Variants in KIAA1586 observed in about 807,000 individuals in gnomAD.
The protein encoded by KIAA1586 is KIAA1586, also known as E3 SUMO-protein ligase KIAA1586.
In KIAA1586, 5 loss-of-function variants were observed where a neutral mutation model predicts 6.1. The ratio of observed to expected loss-of-function variants is 0.82; its 90% CI spans 0.43 to 1.73. The LOEUF is 1.73. Ranked by LOEUF, KIAA1586 falls within the 40% of genes most tolerant of loss-of-function variation. KIAA1586 has a pLI of 0.02. For synonymous variants in KIAA1586, 280 were observed against 301.7 expected (o/e 0.93, Z 0.75); for missense variants, 899 against 878.2 (o/e 1.02, Z -0.30).
At chr6:57,051,671 C>T (rs922334747) in intron 3 of KIAA1586, among the ~76,000 whole-genome samples, 9 of 152,078 alleles carry the variant, frequency 5.9e-5, no homozygotes, top group Admixed American at 1.3e-4. Context: ...TGGTGGCTCA[C>T]ACCTGTAATC....
chr6:57,050,862 C>T lies in KIAA1586; in HGVS notation c.186+8C>T. ...AGCGCCTATTATAGTGATGTAAGCACATTATATTTGTGTTTGTTCAGTTTT... is the reference window on the plus strand; with the variant it reads ...AGCGCCTATTATAGTGATGTAAGCATATTATATTTGTGTTTGTTCAGTTTT... On this transcript the variant is annotated splice_region_variant and intron_variant, in intron 3 of 3. Transcript: ENST00000370733. 6.3e-7 allele frequency: 1 copy of T among 1,588,302 alleles called. No homozygotes were observed. Among genetic ancestry groups the T allele is most frequent in the Non-Finnish European group, 8.6e-7 (1 of 1,156,996 alleles).
chr6:57,061,345 T>C, the KIAA1586 span, among the ~76,000 whole-genome samples: 2 of 152,298 alleles, frequency 1.3e-5, no homozygotes, highest in South Asian at 2.1e-4. Context: ...AATTTACCTA[T>C]CTTTCAACAA....
chr6:57,061,010 G>A, the KIAA1586 span, among the ~76,000 whole-genome samples: 2 of 147,468 alleles, frequency 1.4e-5, no homozygotes, highest in South Asian at 4.3e-4. Flanking sequence ...CAGAGTCTTC[G>A]CTCTGTCACC....
chr6:57,047,855 A>G (rs1279190195), intron 2 of KIAA1586, among the ~76,000 whole-genome samples: 3 of 114,884 alleles, frequency 2.6e-5, no homozygotes, highest in Non-Finnish European at 5.2e-5. Context: ...ATGTTACGGC[A>G]TAGTACAGTT....
At chr6:57,062,844 A>T in the KIAA1586 span, among the ~76,000 whole-genome samples, 1 of 152,162 alleles carries the variant, frequency 6.6e-6, no homozygotes, top group Non-Finnish European at 1.5e-5. Flanking sequence ...TGAGCTCAGG[A>T]GTTTGAGACC....
Position 57,053,617 on chromosome 6 carries a change from G to A in KIAA1586, c.1118G>A (p.Cys373Tyr). 1.2e-6 allele frequency: 2 copies of A among 1,611,114 alleles called. No individual in the cohort carries two copies. The highest frequency in any genetic ancestry group is 1.7e-6 in the Non-Finnish European group (2 of 1,178,022). ...ACATTATTGACTACTTTAAATGATTGTGGTTTTACAAATGAATATTTGAAA... is the reference window on the plus strand; with the variant it reads ...ACATTATTGACTACTTTAAATGATTATGGTTTTACAAATGAATATTTGAAA... ...VNTLLTTLNDCGFTNEYLKAN... is the reference protein window; with the variant it reads ...VNTLLTTLNDYGFTNEYLKAN... The change falls in exon 4 of 4, where the codon TGT (cysteine) becomes TAT (tyrosine). Residue 373 changes from cysteine to tyrosine, a missense_variant. By Grantham distance (194) the Cys-to-Tyr change is radical. Transcript: ENST00000370733.
At chr6:57,051,686 C>T (rs1351758478) in intron 3 of KIAA1586, among the ~76,000 whole-genome samples, 1 of 152,146 alleles carries the variant, frequency 6.6e-6, no homozygotes, top group Non-Finnish European at 1.5e-5. Flanking sequence ...GTAATCCCAG[C>T]ACTTTGGGAG....
At chr6:57,059,569 C>T (rs796557453), downstream of KIAA1586, among the ~76,000 whole-genome samples, 6 of 136,456 alleles carry the variant, frequency 4.4e-5, no homozygotes, top group African/African-American at 1.4e-4. Flanking sequence ...CCAGCCTGGG[C>T]GAGAGCGAGA....
rs1205082321 is a variant in KIAA1586, at chr6:57,050,659, A to AT, written c.106-111dup. 62 of 723,912 alleles carry AT rather than the reference A, an allele frequency of 8.6e-5. No individual in the cohort carries two copies. In the South Asian group the frequency reaches 8.9e-4, roughly 10 times the overall value. 44.8% of individuals were successfully genotyped at this position (723,912 alleles called of 1,614,324 possible). ...CTAATTATTCTGTGCCACTTGCAAG[A>AT]TTTTCTCGAGAATCTTTCCCAATTC... On this transcript the variant is annotated intron_variant, in intron 2 of 3. Coordinates refer to ENST00000370733, the MANE Select transcript of KIAA1586 (RefSeq NM_020931.4).
chr6:57,052,716 G>C lies in KIAA1586; in HGVS notation c.217G>C (p.Gly73Arg), dbSNP rs759849940. 1 of 1,570,652 alleles carries C rather than the reference G, an allele frequency of 6.4e-7. No homozygotes were observed. The highest frequency in any genetic ancestry group is 1.4e-5 in the African/African-American group (1 of 72,518). The change falls in exon 4 of 4, where the codon GGT becomes CGT. Residue 73 changes from glycine to arginine, a missense_variant. Physicochemically the swap from Gly to Arg is moderately radical, Grantham distance 125. Coordinates refer to ENST00000370733, the MANE Select transcript of KIAA1586 (RefSeq NM_020931.4). Reference protein sequence around the residue: ...ILFPKMPKRQGDFLHFLNVKK... With the variant: ...ILFPKMPKRQRDFLHFLNVKK... ...GTTTCCTAAAATGCCAAAACGACAG[G>C]GTGATTTTTTGCATTTTTTAAATGT...
chr6:57,054,786 G>T lies in KIAA1586; in HGVS notation c.2287G>T (p.Ala763Ser). 1 of 1,551,328 alleles carries T rather than the reference G, an allele frequency of 6.4e-7. No individual in the cohort carries two copies. The highest frequency in any genetic ancestry group is 8.7e-7 in the Non-Finnish European group (1 of 1,146,784). ...KSWSNCNHRL[A>S]TDTRVRQKST... ...TTGGTCAAATTGCAACCACAGGTTG[G>T]CTACAGATACAAGAGTTCGGCAAAA... The change falls in exon 4 of 4, where the codon GCT becomes TCT. Residue 763 changes from alanine to serine, a missense_variant. Coordinates refer to ENST00000370733, the MANE Select transcript of KIAA1586 (RefSeq NM_020931.4).
Position 57,046,793 on chromosome 6 carries a change from G to A in KIAA1586, c.21+17G>A. 1 of 1,609,904 alleles carries A rather than the reference G, an allele frequency of 6.2e-7. No individual in the cohort carries two copies. Among genetic ancestry groups the A allele is most frequent in the Non-Finnish European group, 8.5e-7 (1 of 1,178,796 alleles). On this transcript the variant is annotated intron_variant, in intron 1 of 3. Coordinates refer to ENST00000370733, the MANE Select transcript of KIAA1586 (RefSeq NM_020931.4). ...GGGTCGGAAGTGAGTAGTCGAGTGA[G>A]GGTCCTGGCGTTCTCAGAGGCGAAC...
the KIAA1586 span, among the ~76,000 whole-genome samples, chr6:57,065,518 G>A: frequency 8.6e-4 from 121 of 140,872 alleles, 1 homozygote; most frequent in African/African-American, 3.1e-3. Context: ...AGTCAGTCTT[G>A]TTCTGTCACC....
At position 57,053,204 on chromosome 6, in the gene KIAA1586, G is replaced by T. The variant is rs745454364; in HGVS notation, c.705G>T (p.Val235=). 6.2e-7 allele frequency: 1 copy of T among 1,600,482 alleles called. No homozygotes were observed. Among genetic ancestry groups the T allele is most frequent in the South Asian group, 1.1e-5 (1 of 89,088 alleles). Reference sequence around the variant, plus strand: ...CTAATGATTCAATTTGTAATTTAGTGCATAAACAAAATAATAAAAATATTG... The same window carrying T: ...CTAATGATTCAATTTGTAATTTAGTTCATAAACAAAATAATAAAAATATTG... ...ESTNDSICNL[V]HKQNNKNIDA... Residue 235 remains valine, a synonymous_variant, in exon 4 of 4, where the codon GTG becomes GTT. Coordinates refer to ENST00000370733, the MANE Select transcript of KIAA1586 (RefSeq NM_020931.4).
chr6:57,055,563 T>C (rs151326508), downstream of KIAA1586, among the ~76,000 whole-genome samples: 598 of 152,270 alleles, frequency 3.9e-3, 6 homozygotes, highest in African/African-American at 0.014. Context: ...TTCTACAAAT[T>C]GATGTAACAT....
chr6:57,051,191 C>T (rs1351090438), intron 3 of KIAA1586, among the ~76,000 whole-genome samples: 1 of 148,632 alleles, frequency 6.7e-6, no homozygotes, highest in Middle Eastern at 3.4e-3. Flanking sequence ...GAGATCATGC[C>T]ATTGTGCTCT....
At chr6:57,057,956 G>A (rs1294805755), downstream of KIAA1586, among the ~76,000 whole-genome samples, 6 of 151,858 alleles carry the variant, frequency 4.0e-5, no homozygotes, top group African/African-American at 4.8e-5. Context: ...CACCACAATC[G>A]GCTAGTTTTT....
At chr6:57,062,412 A>G in the KIAA1586 span, among the ~76,000 whole-genome samples, 1 of 152,326 alleles carries the variant, frequency 6.6e-6, no homozygotes, top group Admixed American at 6.5e-5. Flanking sequence ...ACTGTGACTA[A>G]TCAATATAAT....
downstream of KIAA1586, among the ~76,000 whole-genome samples, chr6:57,059,359 G>A (rs1431437917): frequency 3.3e-5 from 5 of 152,048 alleles, no homozygotes; most frequent in East Asian, 1.9e-4. Context: ...TTGGGAGGCC[G>A]AGGTGGGCGG....
Sources: allele counts gnomAD v4.1 joint callset (sites outside exome capture counted in the v4.1 genomes callset), GRCh38; gene constraint gnomAD v4.1.1; transcripts MANE v1.5; gene names NCBI Gene and HGNC (gene_info 2026-07-23, HGNC 2026-07-21).